The following FANCD2 variants were observed in gnomAD, a reference collection of about 807,000 sequenced individuals.
FANCD2 encodes the protein Fanconi anemia group D2 protein.
A neutral mutation model predicts 192.3 loss-of-function variants in FANCD2; 131 were observed. The ratio of observed to expected loss-of-function variants is 0.68; its 90% CI spans 0.59 to 0.79. The LOEUF (loss-of-function observed/expected upper bound fraction) is 0.79. Among genes scored for constraint, FANCD2 ranks in the 30% least tolerant of loss-of-function variants. FANCD2 has a pLI of 0.00. For synonymous variants in FANCD2, 524 were observed against 612.5 expected, an observed-to-expected ratio of 0.86 and a Z score of 2.13; for missense variants, 1,508 against 1,701.6, an observed-to-expected ratio of 0.89 and a Z score of 2.00.
intron 32 of FANCD2, chr3:10,083,803 G>C (rs1215768810): frequency 8.8e-5 from 13 of 148,210 alleles, no homozygotes; most frequent in African/African-American, 3.3e-4. Context: ...CAGGAGAATG[G>C]CCTTAACCCG....
intron 42 of FANCD2, among the ~76,000 whole-genome samples, chr3:10,097,953 A>T (rs1291209602): frequency 6.6e-6 from 1 of 151,852 alleles, no homozygotes; most frequent in East Asian, 1.9e-4. Context: ...ACTTCCCGCA[A>T]CAATCTCTAA....
chr3:10,101,130 C>T, intron 43 of FANCD2, 58 bp from the exon 44 acceptor site: 1 of 1,289,114 alleles, frequency 7.8e-7, no homozygotes, highest in South Asian at 1.2e-5. Flanking sequence ...AGCTGTATTC[C>T]AGAGGTCACC....
intron 37 of FANCD2, among the ~76,000 whole-genome samples, chr3:10,091,958 G>A (rs1362016073): frequency 6.6e-6 from 1 of 152,184 alleles, no homozygotes; most frequent in Non-Finnish European, 1.5e-5. Context: ...AATTGCTGAA[G>A]AGGAAACTTT....
chr3:10,092,262 G>A lies in FANCD2; in HGVS notation c.3849+10G>A. 1 of 1,599,278 alleles carries A rather than the reference G, an allele frequency of 6.3e-7. No individual in the cohort carries two copies. ...CATCAACTTGATAAAGGTGAGTATGGAGACTGCTTGACACATCTCACCAAA... is the reference window on the plus strand; with the variant it reads ...CATCAACTTGATAAAGGTGAGTATGAAGACTGCTTGACACATCTCACCAAA... On this transcript the variant is annotated intron_variant, in intron 38 of 43. Coordinates refer to ENST00000675286, the MANE Select transcript of FANCD2 (RefSeq NM_001018115.3).
Position 10,060,330 on chromosome 3 carries a change from A to G in FANCD2, c.1693A>G (p.Ser565Gly). The G allele has an allele frequency of 6.2e-7, 1 of 1,613,036 alleles. No individual in the cohort carries two copies. Among genetic ancestry groups the G allele is most frequent in the Non-Finnish European group, 8.5e-7 (1 of 1,179,966 alleles). ...MHLVIRKQLS[S>G]TVFKYKLIGI... ...CTTGGTGATAAGAAAGCAGCTCTCT[A>G]GCACCGTATTCAAGTACAAGCTCAT... is the stretch of plus-strand genomic sequence containing the variant. Residue 565 changes from serine (S) to glycine (G), a missense_variant, in exon 19 of 44, where the codon AGC becomes GGC. By Grantham distance (56) the Ser-to-Gly change is moderately conservative. Around this residue, in one of 5 missense-constraint regions of FANCD2, gnomAD observed 110 missense variants for 114.4 expected, o/e 0.96. Coordinates refer to ENST00000675286, the MANE Select transcript of FANCD2 (RefSeq NM_001018115.3).
Position 10,028,673 on chromosome 3 carries a change from A to C in FANCD2, c.16A>C (p.Arg6=), listed in dbSNP as rs2086516559. Residue 6 remains arginine, a synonymous_variant, in exon 2 of 44, where the codon AGA becomes CGA. Coordinates refer to ENST00000675286, the MANE Select transcript of FANCD2 (RefSeq NM_001018115.3). MVSKR[R]LSKSEDKESL... The stretch of plus-strand genomic sequence containing the variant: ...ATTGGTCAAAATGGTTTCCAAAAGA[A>C]GACTGTCAAAATCTGAGGATAAAGA... The C allele has an allele frequency of 6.2e-7, 1 of 1,614,060 alleles. No individual in the cohort carries two copies. Among genetic ancestry groups the C allele is most frequent in the African/African-American group, 1.3e-5 (1 of 74,956 alleles).
chr3:10,031,618 T>G (rs2086605727), intron 2 of FANCD2, among the ~76,000 whole-genome samples: 1 of 152,058 alleles, frequency 6.6e-6, no homozygotes, highest in Non-Finnish European at 1.5e-5. Flanking sequence ...TGTTTCTTGT[T>G]TCTTATTTCT....
intron 36 of FANCD2, among the ~76,000 whole-genome samples, 192 bp from the exon 37 acceptor site, chr3:10,090,100 C>G (rs1256800263): frequency 6.6e-6 from 1 of 152,142 alleles, no homozygotes; most frequent in Non-Finnish European, 1.5e-5. Flanking sequence ...AAAGTTAATT[C>G]CATTGTTTGA....
chr3:10,063,423 C>G (rs567411252), intron 20 of FANCD2, among the ~76,000 whole-genome samples: 8 of 152,056 alleles, frequency 5.3e-5, no homozygotes, highest in African/African-American at 4.8e-5. Context: ...GACGACAGAG[C>G]AAGGCTCCAT....
At chr3:10,092,540 A>G (rs539291890) in intron 38 of FANCD2, among the ~76,000 whole-genome samples, 3 of 150,192 alleles carry the variant, frequency 2.0e-5, no homozygotes, top group Admixed American at 6.7e-5. Context: ...TGGATCCTCT[A>G]TGATCTGAGC....
intron 1 of FANCD2, among the ~76,000 whole-genome samples, chr3:10,027,982 G>T (rs1256376892): frequency 1.3e-5 from 2 of 151,428 alleles, no homozygotes; most frequent in African/African-American, 4.9e-5. Context: ...GGAGGCCGAG[G>T]TGGGTGGATC....
At chr3:10,097,448 A>G (rs1241296391) in intron 42 of FANCD2, among the ~76,000 whole-genome samples, 4 of 152,206 alleles carry the variant, frequency 2.6e-5, no homozygotes, top group Non-Finnish European at 5.9e-5. Flanking sequence ...TCTCTTTCTC[A>G]GGGACGTTCC....
At chr3:10,054,353 G>GTATATATATATATACGTGTATATACA (rs1559382946) in intron 18 of FANCD2, among the ~76,000 whole-genome samples, 2 of 103,204 alleles carry the variant, frequency 1.9e-5, no homozygotes, top group East Asian at 4.9e-4. Context: ...ATATATATAC[G>GTATATATATATATACGTGTATATACA]TATATATATA....
intron 38 of FANCD2, among the ~76,000 whole-genome samples, chr3:10,092,684 CTTTTTTTTTTT>C (rs565351425): frequency 2.8e-5 from 2 of 72,050 alleles, no homozygotes; most frequent in African/African-American, 1.8e-4. Context: ...TCTTTCATGT[CTTTTTTTTTTT>C]TTTTTTTTTT....
chr3:10,049,323 T>A (rs2087125900), intron 16 of FANCD2, 51 bp from the exon 17 acceptor site: 4 of 1,519,358 alleles, frequency 2.6e-6, no homozygotes, highest in Non-Finnish European at 3.6e-6. Flanking sequence ...CCCTTTAGAA[T>A]GGCCATCCAT....
At chr3:10,091,370 T>A (rs1053589651) in intron 37 of FANCD2, among the ~76,000 whole-genome samples, 10 of 150,420 alleles carry the variant, frequency 6.6e-5, no homozygotes, top group African/African-American at 2.4e-4. Context: ...CATAAACCAC[T>A]GCACCTGGCA....
chr3:10,097,850 ATT>A (rs1695066834), intron 42 of FANCD2, among the ~76,000 whole-genome samples: 1 of 152,228 alleles, frequency 6.6e-6, no homozygotes, highest in African/African-American at 2.4e-5. Context: ...TTACAAAAGT[ATT>A]AATTTGGGGA....
At chr3:10,097,434 G>A (rs972483274) in intron 42 of FANCD2, among the ~76,000 whole-genome samples, 3 of 152,186 alleles carry the variant, frequency 2.0e-5, no homozygotes, top group African/African-American at 4.8e-5. Flanking sequence ...CCCTAGGTGT[G>A]CATTCTCTTT....
chr3:10,075,027 A>G lies in FANCD2; in HGVS notation c.2859+354A>G, dbSNP rs900241702. ...CACTTTTTCACAACATTTGTTCAGC[A>G]CCTGACAGTTGCTTACTGAGTCCTA... On this transcript the variant is annotated intron_variant, in intron 29 of 43. Coordinates refer to ENST00000675286, the MANE Select transcript of FANCD2 (RefSeq NM_001018115.3). 2.0e-5 allele frequency among the ~76,000 whole-genome samples: 3 copies of G among 152,132 alleles called. No homozygotes were observed. In the South Asian group the frequency reaches 6.2e-4, roughly 31 times the overall value.
Sources: allele counts gnomAD v4.1 joint callset (sites outside exome capture counted in the v4.1 genomes callset), GRCh38; gene constraint gnomAD v4.1.1; regional missense constraint gnomAD v4.1.1; transcripts MANE v1.5; gene names NCBI Gene and HGNC (gene_info 2026-07-23, HGNC 2026-07-21).